Variants in CHRNA7 observed in about 807,000 individuals in gnomAD.
CHRNA7 encodes the protein cholinergic receptor nicotinic alpha 7 subunit, also known as neuronal acetylcholine receptor subunit alpha-7.
In CHRNA7, 17 loss-of-function variants were observed where a neutral mutation model predicts 48.0. The ratio of observed to expected loss-of-function variants is 0.35; its 90% confidence interval spans 0.24 to 0.53. CHRNA7 has a LOEUF of 0.53. Ranked by LOEUF, CHRNA7 falls within the 20% of genes least tolerant of loss-of-function variation. CHRNA7 has a pLI of 0.92. For synonymous variants in CHRNA7, 75 were observed against 242.3 expected (o/e 0.31, Z 6.41); for missense variants, 155 against 577.7 (o/e 0.27, Z 7.50).
At chr15:32,061,805 C>CAA (rs2049883813) in intron 2 of CHRNA7, among the ~76,000 whole-genome samples, 2 of 152,026 alleles carry the variant, frequency 1.3e-5, no homozygotes, top group Non-Finnish European at 2.9e-5. Flanking sequence ...GAGACTTCAT[C>CAA]TAAAAAACAA....
intron 4 of CHRNA7, among the ~76,000 whole-genome samples, chr15:32,113,174 G>A (rs1267472113): frequency 6.6e-6 from 1 of 152,122 alleles, no homozygotes; most frequent in African/African-American, 2.4e-5. Flanking sequence ...GAATGAAGGT[G>A]TTGTCAGGAC....
At chr15:32,059,679 T>G (rs2049844428) in intron 2 of CHRNA7, among the ~76,000 whole-genome samples, 1 of 152,070 alleles carries the variant, frequency 6.6e-6, no homozygotes, top group Non-Finnish European at 1.5e-5. Context: ...AACAGATATC[T>G]CAGAAAGAGA....
chr15:32,117,433 G>T (rs2050892097), intron 4 of CHRNA7, among the ~76,000 whole-genome samples: 1 of 152,194 alleles, frequency 6.6e-6, no homozygotes, highest in Non-Finnish European at 1.5e-5. Context: ...ACAGGAGGAT[G>T]ATTGTCGACA....
intron 4 of CHRNA7, among the ~76,000 whole-genome samples, chr15:32,133,756 T>G (rs1283486165): frequency 6.6e-6 from 1 of 152,108 alleles, no homozygotes; most frequent in Non-Finnish European, 1.5e-5. Context: ...CCCAGGAAAT[T>G]CCAGCACCAA....
intron 2 of CHRNA7, among the ~76,000 whole-genome samples, chr15:32,062,107 C>G (rs2049889088): frequency 6.6e-6 from 1 of 152,150 alleles, no homozygotes. Context: ...ACTCTTTTAG[C>G]TGTTTCTTTG....
At chr15:32,107,888 C>T (rs1445410277) in intron 3 of CHRNA7, among the ~76,000 whole-genome samples, 3 of 152,088 alleles carry the variant, frequency 2.0e-5, no homozygotes, top group Non-Finnish European at 1.5e-5. Context: ...ACCTCATCAG[C>T]GTAAACTCAG....
At chr15:32,135,127 C>T (rs535493612) in intron 4 of CHRNA7, among the ~76,000 whole-genome samples, 2 of 152,358 alleles carry the variant, frequency 1.3e-5, no homozygotes, top group East Asian at 3.9e-4. Flanking sequence ...CTGCACCCCC[C>T]AGGAGAGGCT....
rs113812797 is a variant in CHRNA7, at chr15:32,074,637, A to ATAT, written c.196-26637_196-26635dup. On this transcript the variant is annotated intron_variant, in intron 2 of 9. Coordinates refer to ENST00000306901, the MANE Select transcript of CHRNA7 (RefSeq NM_000746.6). The stretch of plus-strand genomic sequence containing the variant: ...GCTCTTGATATGAATCACATTATTA[A>ATAT]TATTATTATTATTATTATTATTATT... 5.3e-3 allele frequency among the ~76,000 whole-genome samples: 749 copies of ATAT among 141,744 alleles called. 8 individuals are homozygous for ATAT. The highest frequency in any genetic ancestry group is 0.017 in the African/African-American group (666 of 38,508). The allele number at this position is 141,744 out of a possible 152,430, so 93.0% of individuals were successfully genotyped here.
chr15:32,070,633 T>G (rs930949678), intron 2 of CHRNA7, among the ~76,000 whole-genome samples: 1 of 148,858 alleles, frequency 6.7e-6, no homozygotes, highest in South Asian at 2.1e-4. Flanking sequence ...CTATTTTGAG[T>G]TTTTTTTGTG....
chr15:32,077,509 A>G (rs1020049224), intron 2 of CHRNA7, among the ~76,000 whole-genome samples: 1 of 152,198 alleles, frequency 6.6e-6, no homozygotes, highest in Non-Finnish European at 1.5e-5. Flanking sequence ...GTGTAGTGGT[A>G]TCTCATTGTT....
chr15:32,113,686 T>C (rs1460765500), intron 4 of CHRNA7, among the ~76,000 whole-genome samples: 1 of 152,162 alleles, frequency 6.6e-6, no homozygotes, highest in Middle Eastern at 3.2e-3. Context: ...GTTGTGTGTT[T>C]ACAGGCAGAA....
intron 2 of CHRNA7, among the ~76,000 whole-genome samples, chr15:32,070,667 T>TC (rs2050040642): frequency 7.4e-6 from 1 of 135,500 alleles, no homozygotes; most frequent in Non-Finnish European, 1.6e-5. Flanking sequence ...GAGGTTTAGT[T>TC]CCTTTTTTTT....
chr15:32,091,375 T>G (rs2050379182), intron 2 of CHRNA7, among the ~76,000 whole-genome samples: 1 of 152,184 alleles, frequency 6.6e-6, no homozygotes, highest in African/African-American at 2.4e-5. Context: ...TTTTGTGGTT[T>G]GCTAATTTGT....
chr15:32,067,561 T>C (rs1258264954), intron 2 of CHRNA7, among the ~76,000 whole-genome samples: 1 of 150,408 alleles, frequency 6.6e-6, no homozygotes, highest in Non-Finnish European at 1.5e-5. Context: ...AATTGGGATC[T>C]ATAAAGAGAT....
At chr15:32,066,125 C>G (rs1032079579) in intron 2 of CHRNA7, among the ~76,000 whole-genome samples, 1 of 152,212 alleles carries the variant, frequency 6.6e-6, no homozygotes, top group African/African-American at 2.4e-5. Context: ...TCCTAAATAG[C>G]TGGCAACTCA....
chr15:32,147,994 T>C (rs961734137), intron 4 of CHRNA7, among the ~76,000 whole-genome samples: 4 of 152,202 alleles, frequency 2.6e-5, no homozygotes, highest in African/African-American at 4.8e-5. Context: ...TTAGATCAGA[T>C]AGATGAGCAT....
At chr15:32,033,197 G>C (rs903182473) in intron 2 of CHRNA7, among the ~76,000 whole-genome samples, 3 of 152,182 alleles carry the variant, frequency 2.0e-5, no homozygotes, top group African/African-American at 7.2e-5. Context: ...GAGTGGCCTT[G>C]AACAAACTCA....
intron 2 of CHRNA7, among the ~76,000 whole-genome samples, chr15:32,087,558 A>G (rs568609580): frequency 3.3e-5 from 5 of 152,330 alleles, no homozygotes; most frequent in Non-Finnish European, 7.3e-5. Flanking sequence ...ATAGTAGTTC[A>G]TATATACAGA....
At position 32,164,949 on chromosome 15, in the gene CHRNA7, G is replaced by C. The variant is rs2611525; in HGVS notation, c.990+1614G>C. ...AAAAAAAAAAAAAAAAAAAAAGACT[G>C]ACTTGTAGCTCATTACACAAGCAGT... On this transcript the variant is annotated intron_variant, in intron 9 of 9. Transcript: ENST00000306901. 6.5e-3 allele frequency among the ~76,000 whole-genome samples: 717 copies of C among 110,566 alleles called. 1 individual carries two copies. Among genetic ancestry groups the C allele is most frequent in the Admixed American group, 9.4e-3 (95 of 10,070 alleles). The allele number at this position is 110,566 out of a possible 152,430, so 72.5% of individuals were successfully genotyped here. A position where few individuals can be genotyped will look rare whatever the true frequency, so the allele number is the denominator to read the frequency against.
Sources: allele counts gnomAD v4.1 joint callset (sites outside exome capture counted in the v4.1 genomes callset), GRCh38; gene constraint gnomAD v4.1.1; transcripts MANE v1.5; gene names NCBI Gene and HGNC (gene_info 2026-07-23, HGNC 2026-07-21).